The following SLC14A2 variants were observed in gnomAD, a reference collection of about 807,000 sequenced individuals.
The protein encoded by SLC14A2 is urea transporter 2.
Under a neutral mutation model 104.6 loss-of-function variants are expected in SLC14A2, and 91 were observed. The observed-to-expected ratio is 0.87, with a 90% CI of 0.73 to 1.04. The LOEUF (loss-of-function observed/expected upper bound fraction) is 1.04. Among genes scored for constraint, SLC14A2 ranks in the 50% least tolerant of loss-of-function variants. The probability of loss-of-function intolerance (pLI) is 0.00; values close to 1 mark genes in which losing one functional copy is unlikely to be tolerated. For missense variants in SLC14A2, 1,189 were observed against 1,156.0 expected (o/e 1.03, Z -0.41); for synonymous variants, 476 against 466.4 (o/e 1.02, Z -0.27).
chr18:45,314,428 C>T (rs1210312562), intron 1 of SLC14A2, among the ~76,000 whole-genome samples: 3 of 152,178 alleles, frequency 2.0e-5, no homozygotes, highest in African/African-American at 4.8e-5. Context: ...CATGATAATG[C>T]AACCTCACAT....
At chr18:45,584,561 T>C (rs2044541378) in intron 2 of SLC14A2, among the ~76,000 whole-genome samples, 1 of 152,202 alleles carries the variant, frequency 6.6e-6, no homozygotes, top group African/African-American at 2.4e-5. Flanking sequence ...AGAAGCTAAA[T>C]ATGAATGCAC....
intron 1 of SLC14A2, among the ~76,000 whole-genome samples, chr18:45,293,098 G>T (rs1052447876): frequency 6.6e-6 from 1 of 152,102 alleles, no homozygotes; most frequent in African/African-American, 2.4e-5. Flanking sequence ...AAGCTCTAAA[G>T]ATCCTTCCAA....
At chr18:45,324,927 T>A (rs1295984441) in intron 1 of SLC14A2, among the ~76,000 whole-genome samples, 2 of 152,122 alleles carry the variant, frequency 1.3e-5, no homozygotes, top group Non-Finnish European at 2.9e-5. Flanking sequence ...CTGGGGGAAT[T>A]GTTGGCGGGA....
At chr18:45,514,245 A>G (rs371773161) in intron 2 of SLC14A2, among the ~76,000 whole-genome samples, 1 of 152,176 alleles carries the variant, frequency 6.6e-6, no homozygotes, top group Admixed American at 6.5e-5. Flanking sequence ...GAAACTTACA[A>G]TCATAGTGGA....
chr18:45,342,529 T>C (rs1160614570), intron 1 of SLC14A2, among the ~76,000 whole-genome samples: 1 of 152,186 alleles, frequency 6.6e-6, no homozygotes, highest in African/African-American at 2.4e-5. Context: ...AAAAGGGTTA[T>C]GGTCAGACTG....
chr18:45,472,966 A>T (rs989314001), intron 1 of SLC14A2, among the ~76,000 whole-genome samples: 1 of 152,184 alleles, frequency 6.6e-6, no homozygotes, highest in Non-Finnish European at 1.5e-5. Context: ...CTATGTCCTG[A>T]ATGGTAATGC....
At chr18:45,253,583 T>C (rs1024145452) in intron 1 of SLC14A2, among the ~76,000 whole-genome samples, 10 of 152,002 alleles carry the variant, frequency 6.6e-5, no homozygotes, top group African/African-American at 2.2e-4. Context: ...TTGGTGAGCA[T>C]GCATGATTTT....
At chr18:45,274,187 A>G (rs2084678766) in intron 1 of SLC14A2, among the ~76,000 whole-genome samples, 1 of 152,286 alleles carries the variant, frequency 6.6e-6, no homozygotes, top group African/African-American at 2.4e-5. Context: ...GCCAAAGTAC[A>G]TGAATCAGCT....
chr18:45,459,474 C>T (rs374993170), intron 1 of SLC14A2, among the ~76,000 whole-genome samples: 3 of 152,232 alleles, frequency 2.0e-5, no homozygotes, highest in South Asian at 2.1e-4. Flanking sequence ...GTCATACAAA[C>T]GTCCAGTGTG....
Position 45,669,502 on chromosome 18 carries a change from C to G in SLC14A2, c.2229+4C>G, listed in dbSNP as rs537833197. On this transcript the variant is annotated splice_donor_region_variant and intron_variant, in intron 16 of 19. Transcript: ENST00000255226. ...GTCAGAGGTCCAAGTGCCCTTGGTA[C>G]GTATCATGGAAGGAGGAAGGGCAGG... The G allele has an allele frequency of 6.2e-7, 1 of 1,610,866 alleles. No individual in the cohort carries two copies. The highest frequency in any genetic ancestry group is 1.1e-5 in the South Asian group (1 of 90,704).
chr18:45,445,219 C>A (rs2086748046), intron 1 of SLC14A2, among the ~76,000 whole-genome samples: 1 of 148,396 alleles, frequency 6.7e-6, no homozygotes, highest in African/African-American at 2.5e-5. Context: ...TCAAGCAATT[C>A]TCTTGCCTCA....
At chr18:45,418,342 G>C (rs754133535) in intron 1 of SLC14A2, among the ~76,000 whole-genome samples, 3 of 152,218 alleles carry the variant, frequency 2.0e-5, no homozygotes, top group Non-Finnish European at 2.9e-5. Flanking sequence ...AGTGCCACTA[G>C]AGGTGGCAGC....
chr18:45,194,211 T>A, the SLC14A2 span, among the ~76,000 whole-genome samples: 1 of 152,208 alleles, frequency 6.6e-6, no homozygotes, highest in African/African-American at 2.4e-5. Context: ...TATATTACAC[T>A]AACTAGAATC....
At chr18:45,374,547 A>G (rs768512793) in intron 1 of SLC14A2, among the ~76,000 whole-genome samples, 1 of 106,204 alleles carries the variant, frequency 9.4e-6, no homozygotes, top group Non-Finnish European at 1.9e-5. Context: ...TCCCACCCCC[A>G]CCTCTCAGAT....
intron 1 of SLC14A2, among the ~76,000 whole-genome samples, chr18:45,456,854 C>T (rs1824497343): frequency 2.7e-5 from 4 of 149,934 alleles, no homozygotes; most frequent in Non-Finnish European, 5.9e-5. Context: ...TGCAGATTTT[C>T]AAAGCTGAGG....
At chr18:45,629,221 C>T (rs866112608) in intron 4 of SLC14A2, among the ~76,000 whole-genome samples, 5 of 152,344 alleles carry the variant, frequency 3.3e-5, no homozygotes, top group South Asian at 2.1e-4. Context: ...CAGCCTGGCC[C>T]TGGTGAGAAG....
intron 1 of SLC14A2, among the ~76,000 whole-genome samples, chr18:45,300,437 C>A (rs66700488): frequency 0.2 from 26,128 of 129,944 alleles, 3,004 homozygotes; most frequent in African/African-American, 0.37. Flanking sequence ...GAACCCTCCC[C>A]AAAAAAAAAA....
intron 2 of SLC14A2, among the ~76,000 whole-genome samples, chr18:45,546,098 C>T (rs1160698913): frequency 6.6e-6 from 1 of 152,214 alleles, no homozygotes; most frequent in East Asian, 1.9e-4. Flanking sequence ...TCTCAGCCCA[C>T]ATATCCACTG....
At chr18:45,675,040 C>A (rs901775643) in intron 18 of SLC14A2, among the ~76,000 whole-genome samples, 9 of 152,162 alleles carry the variant, frequency 5.9e-5, no homozygotes, top group African/African-American at 2.2e-4. Context: ...AACTCCCCAC[C>A]CCCTTTCCCA....
Sources: gnomAD v4.1 joint callset for allele counts (sites outside exome capture counted in the v4.1 genomes callset) on GRCh38, gnomAD v4.1.1 for gene constraint, MANE v1.5 for transcripts, NCBI Gene and HGNC (gene_info 2026-07-23, HGNC 2026-07-21) for gene names.